PTCH1: variants seen among roughly 807,000 people sequenced by gnomAD.
PTCH1 encodes patched 1, also known as protein patched homolog 1.
PTCH1 carries 14 observed loss-of-function variants against 144.6 expected under a neutral mutation model. The observed-to-expected ratio is 0.10, with a 90% CI of 0.06 to 0.15. The LOEUF (loss-of-function observed/expected upper bound fraction) is 0.15. Among genes scored for constraint, PTCH1 ranks in the 10% least tolerant of loss-of-function variants. The pLI, the probability that PTCH1 is intolerant of heterozygous loss-of-function variation, is 1.00. For synonymous variants in PTCH1, 833 were observed against 793.6 expected, an observed-to-expected ratio of 1.05 and a Z score of -0.83; for missense variants, 1,623 against 1,948.3, an observed-to-expected ratio of 0.83 and a Z score of 3.14.
At chr9:95,482,744 A>G (rs28510415) in intron 3 of PTCH1, 11,816 of 174,492 alleles carry the variant, frequency 0.068, 560 homozygotes, top group Non-Finnish European at 0.096. Flanking sequence ...TTCTATTCCT[A>G]TCTTACAGAA....
intron 1 of PTCH1, chr9:95,516,458 G>C: frequency 6.8e-7 from 1 of 1,465,562 alleles, no homozygotes; most frequent in East Asian, 2.9e-5. Flanking sequence ...CGCCGCGCTG[G>C]CTGCACTCAC....
chr9:95,456,576 T>C (rs571908896), intron 18 of PTCH1, among the ~76,000 whole-genome samples, 163 bp from the exon 19 acceptor site: 2 of 152,312 alleles, frequency 1.3e-5, no homozygotes, highest in African/African-American at 4.8e-5. Flanking sequence ...TAATTCATCT[T>C]CCCGCTGGGA....
At position 95,458,209 on chromosome 9, in the gene PTCH1, A is replaced by G; in HGVS notation, c.2972T>C (p.Ile991Thr). 1 of 1,614,100 alleles carries G rather than the reference A, an allele frequency of 6.2e-7. No homozygotes were observed. Among genetic ancestry groups the G allele is most frequent in the Non-Finnish European group, 8.5e-7 (1 of 1,180,030 alleles). Residue 991 changes from isoleucine to threonine, a missense_variant, in exon 18 of 24, where the codon ATT becomes ACT. Ile to Thr is a moderately conservative substitution (Grantham distance 89). Around this residue, in one of 7 missense-constraint regions of PTCH1, gnomAD observed 504 missense variants for 679.3 expected, o/e 0.74. Coordinates refer to ENST00000331920, the MANE Select transcript of PTCH1 (RefSeq NM_000264.5). This position sits in a 1 kb window ranked among gnomAD's most constrained non-coding sequence, Gnocchi z 4.7. Reference sequence around the variant, plus strand: ...GCTGCAGATGGTCCTTACTTTTTCAATTGCCTCCACAAAGTCTGAGGTGTC... The same window carrying G: ...GCTGCAGATGGTCCTTACTTTTTCAGTTGCCTCCACAAAGTCTGAGGTGTC... ...LRDTSDFVEA[I>T]EKVRTICSNY...
At chr9:95,471,962 A>C (rs1463050557) in intron 12 of PTCH1, among the ~76,000 whole-genome samples, 1 of 152,176 alleles carries the variant, frequency 6.6e-6, no homozygotes. Flanking sequence ...GCTTGAACCC[A>C]GGAGGCAGAA....
chr9:95,516,921 C>A, exon 1 of PTCH1: 1 of 999,160 alleles, frequency 1.0e-6, no homozygotes, highest in African/African-American at 1.7e-5. Context: ...TCAAGGAAAG[C>A]AAAGTAAACT....
At chr9:95,507,850 G>T in intron 1 of PTCH1, 1 of 1,101,890 alleles carries the variant, frequency 9.1e-7, no homozygotes. Flanking sequence ...GAGGTGGTCC[G>T]CCGTGGACGG....
Position 95,506,767 on chromosome 9 carries a change from A to G in PTCH1, c.202-168T>C, listed in dbSNP as rs1300304569. On this transcript the variant is annotated intron_variant, in intron 1 of 23. Transcript: ENST00000331920. ...TGCAGCCCCGGCGGATCTGAGCGTC[A>G]TGGGGGGCTCGGTCATAAAGCCGGG... The G allele has an allele frequency of 3.3e-5, 35 of 1,056,522 alleles. 1 individual carries two copies. In the South Asian group the frequency reaches 1.2e-3, roughly 38 times the overall value. The allele number at this position is 1,056,522 out of a possible 1,614,324, so 65.4% of individuals were successfully genotyped here. A position where few individuals can be genotyped will look rare whatever the true frequency, so the allele number is the denominator to read the frequency against.
At chr9:95,494,675 C>A (rs778523877) in intron 2 of PTCH1, among the ~76,000 whole-genome samples, 1 of 152,156 alleles carries the variant, frequency 6.6e-6, no homozygotes, top group Non-Finnish European at 1.5e-5. Context: ...CGCGCTGGCT[C>A]AGAGGCCACA....
At chr9:95,479,819 T>C in intron 7 of PTCH1, 150 bp downstream of exon 7, 2 of 1,294,578 alleles carry the variant, frequency 1.5e-6, no homozygotes, top group Non-Finnish European at 2.2e-6. Flanking sequence ...AGTCTGCTAC[T>C]ATTTCTTAAT....
At chr9:95,467,454 C>G in intron 14 of PTCH1, 29 bp from the exon 15 acceptor site, 1 of 1,608,104 alleles carries the variant, frequency 6.2e-7, no homozygotes, top group Non-Finnish European at 8.5e-7. Flanking sequence ...AAGGTCAGAC[C>G]CCAGGGAGCA....
chr9:95,465,208 C>G (rs543916685), intron 15 of PTCH1, among the ~76,000 whole-genome samples: 3 of 152,342 alleles, frequency 2.0e-5, no homozygotes, highest in African/African-American at 4.8e-5. Flanking sequence ...CCCTTTACCC[C>G]CTTCCCAATC....
chr9:95,496,601 T>C (rs1242560310), intron 2 of PTCH1, among the ~76,000 whole-genome samples: 1 of 151,428 alleles, frequency 6.6e-6, no homozygotes, highest in Non-Finnish European at 1.5e-5. Context: ...GAGCAGTTAA[T>C]AGATATTTAG....
intron 1 of PTCH1, chr9:95,516,464 C>G: frequency 4.7e-6 from 7 of 1,484,384 alleles, no homozygotes; most frequent in Non-Finnish European, 6.2e-6. Flanking sequence ...GCTGGCTGCA[C>G]TCACCATAGC....
chr9:95,466,558 G>A (rs1437722682), intron 15 of PTCH1, among the ~76,000 whole-genome samples: 1 of 152,132 alleles, frequency 6.6e-6, no homozygotes, highest in Non-Finnish European at 1.5e-5. Context: ...GGGGCTGTGT[G>A]TGGGTGAGGA....
chr9:95,468,654 T>C (rs1274324150), intron 14 of PTCH1, 97 bp downstream of exon 14: 1 of 1,520,514 alleles, frequency 6.6e-7, no homozygotes, highest in Non-Finnish European at 9.0e-7. Context: ...TTTTTTTTTT[T>C]TAAGGAAAAA....
intron 2 of PTCH1, chr9:95,494,315 AC>A (rs1413580338): frequency 2.0e-6 from 2 of 985,474 alleles, no homozygotes; most frequent in Non-Finnish European, 2.4e-6. Context: ...CCCACGCTGG[AC>A]CTGCTGCCTG....
In PTCH1 at chr9:95,515,475, CAG is replaced by C. The variant is rs202243237; in HGVS notation, c.3+992_3+993del. 3.0e-3 allele frequency among the ~76,000 whole-genome samples: 457 copies of C among 152,314 alleles called. 2 individuals are homozygous for C. Among genetic ancestry groups the C allele is most frequent in the Middle Eastern group, 0.014 (4 of 294 alleles). On this transcript the variant is annotated intron_variant, in intron 1 of 22. Coordinates refer to the PTCH1 transcript ENST00000430669. ...TATGGTTCTTCTTAGGTGATGGAAA[CAG>C]ATCAGTTTCCCTGAGAGTGTGCTCA...
chr9:95,497,908 C>G (rs1163059087), intron 2 of PTCH1, among the ~76,000 whole-genome samples: 1 of 150,090 alleles, frequency 6.7e-6, no homozygotes, highest in African/African-American at 2.5e-5. Context: ...CCCCACCCCC[C>G]ATCCTCTCAA....
intron 7 of PTCH1, 117 bp downstream of exon 7, chr9:95,479,852 G>C (rs918596622): frequency 2.2e-5 from 34 of 1,523,612 alleles, no homozygotes; most frequent in Non-Finnish European, 2.9e-5. Context: ...CACCTGGCTA[G>C]CGAGGATAAC....
Sources: allele counts gnomAD v4.1 joint callset (sites outside exome capture counted in the v4.1 genomes callset), GRCh38; gene constraint gnomAD v4.1.1; regional missense constraint gnomAD v4.1.1; non-coding constraint Gnocchi (gnomAD v3.1); transcripts MANE v1.5; gene names NCBI Gene and HGNC (gene_info 2026-07-23, HGNC 2026-07-21).